The following RHOF variants were observed in gnomAD, a reference collection of about 807,000 sequenced individuals.
RHOF encodes the protein rho-related GTP-binding protein RhoF.
In RHOF, 21 loss-of-function variants were observed where a neutral mutation model predicts 22.2. The ratio of observed to expected loss-of-function variants is 0.95; its 90% CI spans 0.67 to 1.36. The LOEUF is 1.36. Ranked by LOEUF, RHOF falls within the 40% of genes most tolerant of loss-of-function variation. RHOF has a pLI of 0.00. For missense variants in RHOF, 285 were observed against 293.7 expected (o/e 0.97, Z 0.22); for synonymous variants, 135 against 131.2 (o/e 1.03, Z -0.20).
chr12:121,789,207 G>A (rs1223550553), intron 2 of RHOF, among the ~76,000 whole-genome samples: 1 of 151,722 alleles, frequency 6.6e-6, no homozygotes, highest in African/African-American at 2.4e-5. Flanking sequence ...TCCAGCCTGG[G>A]TGACAGAGCG....
intron 2 of RHOF, among the ~76,000 whole-genome samples, chr12:121,789,307 G>GAGCC (rs1204943998): frequency 6.6e-6 from 1 of 152,082 alleles, no homozygotes; most frequent in African/African-American, 2.4e-5. Flanking sequence ...GAAGTCTCTA[G>GAGCC]GCCTGGGCTC....
At chr12:121,784,536 C>T (rs964871094) in intron 2 of RHOF, among the ~76,000 whole-genome samples, 4 of 143,926 alleles carry the variant, frequency 2.8e-5, no homozygotes, top group African/African-American at 1.0e-4. Flanking sequence ...CAGAGCAAGA[C>T]GTCGTCTCAA....
At chr12:121,781,329 G>A in intron 2 of RHOF, 137 bp from the exon 3 acceptor site, 1 of 722,270 alleles carries the variant, frequency 1.4e-6, no homozygotes, top group Non-Finnish European at 2.3e-6. Flanking sequence ...CAGCAAGCCA[G>A]GAGTGCTGGC....
At chr12:121,792,034 C>G (rs937269710) in intron 2 of RHOF, among the ~76,000 whole-genome samples, 1 of 152,242 alleles carries the variant, frequency 6.6e-6, no homozygotes, top group Admixed American at 6.5e-5. Context: ...GTTGGCCCTA[C>G]AGGGCCCACA....
chr12:121,793,534 A>G lies in RHOF; in HGVS notation c.100T>C (p.Ser34Pro). 6.5e-7 allele frequency: 1 copy of G among 1,544,898 alleles called. No individual in the cohort carries two copies. ...IVGDGGCGKT[S>P]LLMVYSQGSF... The stretch of plus-strand genomic sequence containing the variant: ...CCCTGGCTGTACACCATGAGCAGCG[A>G]GGTCTTGCCGCAGCCGCCGTCGCCC... The change falls in exon 1 of 5, where the codon TCG becomes CCG. Residue 34 changes from serine (S) to proline (P), a missense_variant. Transcript: ENST00000267205.
chr12:121,786,195 C>A (rs557929974), intron 2 of RHOF, among the ~76,000 whole-genome samples: 1 of 152,136 alleles, frequency 6.6e-6, no homozygotes, highest in Non-Finnish European at 1.5e-5. Context: ...GCTGGGATTA[C>A]AGGTGTGAGC....
At chr12:121,792,163 A>C (rs1464563123) in intron 2 of RHOF, among the ~76,000 whole-genome samples, 1 of 152,150 alleles carries the variant, frequency 6.6e-6, no homozygotes, top group Non-Finnish European at 1.5e-5. Context: ...GTGGGGGTGG[A>C]GGTGTCTGGA....
intron 2 of RHOF, among the ~76,000 whole-genome samples, chr12:121,785,834 G>A (rs1467743755): frequency 6.6e-6 from 1 of 151,828 alleles, no homozygotes; most frequent in Non-Finnish European, 1.5e-5. Flanking sequence ...GGATGGTCTC[G>A]ATCTCCTGAC....
At chr12:121,788,459 C>A (rs996548992) in intron 2 of RHOF, among the ~76,000 whole-genome samples, 4 of 152,028 alleles carry the variant, frequency 2.6e-5, no homozygotes, top group African/African-American at 4.8e-5. Flanking sequence ...TCAGTGTGGG[C>A]CTTTGGGGCG....
intron 1 of RHOF, 106 bp downstream of exon 1, chr12:121,793,390 G>C: frequency 1.4e-6 from 2 of 1,475,560 alleles, no homozygotes; most frequent in Non-Finnish European, 1.8e-6. Context: ...CCCCGGGGTG[G>C]CGGCCGCCTG....
At chr12:121,780,760 C>T in intron 4 of RHOF, 112 bp downstream of exon 4, 1 of 1,238,142 alleles carries the variant, frequency 8.1e-7, no homozygotes, top group South Asian at 1.5e-5. Flanking sequence ...TTCTTAGAAT[C>T]TTGCTTCCCT....
rs1201267195 is a variant in RHOF, at chr12:121,790,325, G to A, written c.226+2827C>T. On this transcript the variant is annotated intron_variant, in intron 2 of 4. Transcript: ENST00000267205. Reference sequence around the variant, plus strand: ...TCCGCCACTGTGTGTGGCCCATTGGGTTCTAGAACTTTCTACAACTACGTT... The same window carrying A: ...TCCGCCACTGTGTGTGGCCCATTGGATTCTAGAACTTTCTACAACTACGTT... 2.0e-5 allele frequency among the ~76,000 whole-genome samples: 3 copies of A among 152,250 alleles called. No homozygotes were observed. In the East Asian group the frequency reaches 5.8e-4, roughly 29 times the overall value.
At chr12:121,780,115 T>C (rs1056502997) in intron 4 of RHOF, 1 of 160,052 alleles carries the variant, frequency 6.2e-6, no homozygotes, top group Non-Finnish European at 1.4e-5. Context: ...TGGAGTGCAA[T>C]GGCGCGATCT....
chr12:121,785,217 T>C (rs1874575016), intron 2 of RHOF, among the ~76,000 whole-genome samples: 1 of 152,046 alleles, frequency 6.6e-6, no homozygotes, highest in Non-Finnish European at 1.5e-5. Flanking sequence ...GCGAATCATA[T>C]CCCGGGTGGG....
chr12:121,789,735 G>A (rs1277274281), intron 2 of RHOF, among the ~76,000 whole-genome samples: 3 of 152,186 alleles, frequency 2.0e-5, no homozygotes, highest in African/African-American at 7.2e-5. Context: ...GGCCTCCGGT[G>A]CTTCTGGGGC....
At chr12:121,779,687 T>C in intron 4 of RHOF, 25 bp from the exon 5 acceptor site, 1 of 1,612,612 alleles carries the variant, frequency 6.2e-7, no homozygotes, top group Non-Finnish European at 8.5e-7. Flanking sequence ...GAGCCAGCAT[T>C]AGGTGAGGGG....
At chr12:121,780,722 G>A in intron 4 of RHOF, 150 bp downstream of exon 4, 1 of 886,478 alleles carries the variant, frequency 1.1e-6, no homozygotes, top group Non-Finnish European at 1.7e-6. Context: ...CAGGTCCACA[G>A]GCCATCAATA....
At chr12:121,791,652 C>T (rs1227372983) in intron 2 of RHOF, among the ~76,000 whole-genome samples, 1 of 152,248 alleles carries the variant, frequency 6.6e-6, no homozygotes, top group Non-Finnish European at 1.5e-5. Context: ...TCAATCTACT[C>T]TGACATGTTC....
At chr12:121,785,949 C>CT (rs1874597730) in intron 2 of RHOF, among the ~76,000 whole-genome samples, 1 of 150,918 alleles carries the variant, frequency 6.6e-6, no homozygotes, top group African/African-American at 2.4e-5. Flanking sequence ...GAATCTCACT[C>CT]TATCGCCCAG....
Sources: allele counts gnomAD v4.1 joint callset (sites outside exome capture counted in the v4.1 genomes callset), GRCh38; gene constraint gnomAD v4.1.1; transcripts MANE v1.5; gene names NCBI Gene and HGNC (gene_info 2026-07-23, HGNC 2026-07-21).